Variants in CREB1 observed in about 807,000 individuals in gnomAD.
CREB1 encodes the protein cAMP responsive element binding protein 1, also known as cyclic AMP-responsive element-binding protein 1.
In CREB1, 2 loss-of-function variants were observed where a neutral mutation model predicts 42.0. The ratio of observed to expected loss-of-function variants is 0.05; its 90% CI spans 0.02 to 0.15. The LOEUF is 0.15. Ranked by LOEUF, CREB1 falls within the 10% of genes least tolerant of loss-of-function variation. The pLI, the probability that CREB1 is intolerant of heterozygous loss-of-function variation, is 1.00. For synonymous variants in CREB1, 123 were observed against 139.9 expected (o/e 0.88, Z 0.85); for missense variants, 199 against 388.9 (o/e 0.51, Z 4.11).
rs567753783 is a variant in CREB1, at chr2:207,535,078, T to C, written c.-9+4944T>C. ...GAGCTGCTTTTATTCTTAGGTCTTA[T>C]ATTACCTTTTAAACTAAGGGAAACT... On this transcript the variant is annotated intron_variant, in intron 1 of 7. Coordinates refer to ENST00000353267, the MANE Select transcript of CREB1 (RefSeq NM_004379.5). 1.3e-3 allele frequency among the ~76,000 whole-genome samples: 195 copies of C among 152,380 alleles called. 1 individual carries two copies. The highest frequency in any genetic ancestry group is 4.5e-3 in the African/African-American group (188 of 41,592).
At chr2:207,547,979 G>A (rs1378254117) in intron 1 of CREB1, among the ~76,000 whole-genome samples, 1 of 151,656 alleles carries the variant, frequency 6.6e-6, no homozygotes, top group African/African-American at 2.4e-5. Context: ...GTGTCACCCA[G>A]GAAGGAGTGC....
At chr2:207,538,059 A>G (rs2080946954) in intron 1 of CREB1, among the ~76,000 whole-genome samples, 1 of 152,162 alleles carries the variant, frequency 6.6e-6, no homozygotes, top group Non-Finnish European at 1.5e-5. Flanking sequence ...TTGTGCATGA[A>G]ACAGTTTTGA....
At chr2:207,557,390 T>C (rs2081770823) in intron 2 of CREB1, among the ~76,000 whole-genome samples, 2 of 151,960 alleles carry the variant, frequency 1.3e-5, no homozygotes, top group South Asian at 4.1e-4. Flanking sequence ...GTTATAAAAA[T>C]TGAATGTATG....
At chr2:207,531,904 A>AT (rs1181950278) in intron 1 of CREB1, among the ~76,000 whole-genome samples, 1 of 152,236 alleles carries the variant, frequency 6.6e-6, no homozygotes, top group Admixed American at 6.5e-5. Flanking sequence ...TTCCAAGAAA[A>AT]TTAAGAAGAG....
chr2:207,538,499 G>A (rs1023590292), intron 1 of CREB1, among the ~76,000 whole-genome samples: 1 of 151,818 alleles, frequency 6.6e-6, no homozygotes, highest in African/African-American at 2.4e-5. Context: ...CGTGAGACTA[G>A]CTGTGTGAAC....
intron 3 of CREB1, among the ~76,000 whole-genome samples, chr2:207,565,842 TC>T (rs2082121331): frequency 6.6e-6 from 1 of 152,202 alleles, no homozygotes; most frequent in African/African-American, 2.4e-5. Context: ...GAATTTCTGA[TC>T]CTTTCCTCAG....
At position 207,588,711 on chromosome 2, in the gene CREB1, G is replaced by A. The variant is rs1392315377; in HGVS notation, c.840-8203G>A. 3.1e-5 allele frequency among the ~76,000 whole-genome samples: 4 copies of A among 128,512 alleles called. No individual in the cohort carries two copies. In the East Asian group the frequency reaches 1.0e-3, roughly 32 times the overall value. 84.3% of individuals were successfully genotyped at this position (128,512 alleles called of 152,430 possible). ...CATATCTTACTGGATTTATACCCAA[G>A]TATGAACTGTTTTCTGGTTTTTTTT... is the stretch of plus-strand genomic sequence containing the variant. On this transcript the variant is annotated intron_variant, in intron 7 of 7. Transcript: ENST00000353267.
At chr2:207,584,776 A>G (rs2083528272) in intron 7 of CREB1, among the ~76,000 whole-genome samples, 1 of 152,126 alleles carries the variant, frequency 6.6e-6, no homozygotes, top group African/African-American at 2.4e-5. Flanking sequence ...TCTTTTAGTC[A>G]TTTCTATTGT....
intron 7 of CREB1, 78 bp downstream of exon 7, chr2:207,577,733 T>C (rs771120290): frequency 5.9e-6 from 9 of 1,526,394 alleles, no homozygotes; most frequent in Non-Finnish European, 8.1e-6. Flanking sequence ...TCTTTACATC[T>C]ACTGGTAATA....
chr2:207,576,873 TTG>T, intron 6 of CREB1: 1 of 943,510 alleles, frequency 1.1e-6, no homozygotes, highest in Non-Finnish European at 1.3e-6. Flanking sequence ...GTGATTGTGT[TTG>T]TTTTTACAAA....
chr2:207,594,175 T>A (rs943986038), intron 7 of CREB1, among the ~76,000 whole-genome samples: 2 of 152,248 alleles, frequency 1.3e-5, no homozygotes, highest in Admixed American at 6.5e-5. Flanking sequence ...GAATAATTTT[T>A]AATTATTTTT....
chr2:207,576,644 G>C, intron 6 of CREB1: 1 of 1,292,342 alleles, frequency 7.7e-7, no homozygotes. Context: ...CTCAAAAATT[G>C]TAAAGCAGGA....
At chr2:207,576,241 C>CTTTTTTTTTTTTTTTTTTTTG (rs35735523) in intron 6 of CREB1, among the ~76,000 whole-genome samples, 2 of 101,068 alleles carry the variant, frequency 2.0e-5, no homozygotes, top group Non-Finnish European at 3.8e-5. Context: ...CTTTTTTTGG[C>CTTTTTTTTTTTTTTTTTTTTG]TTTTTTTTTT....
Position 207,600,250 on chromosome 2 carries a change from T to C in CREB1, c.*3192T>C. ...TAATATATGTGTACATATATATATA[T>C]ATATATATATATACATACAGTATAT... is the stretch of plus-strand genomic sequence containing the variant. On this transcript the variant is annotated 3_prime_UTR_variant, in exon 8 of 8. Coordinates refer to ENST00000353267, the MANE Select transcript of CREB1 (RefSeq NM_004379.5). 1 of 163,078 alleles carries C rather than the reference T, an allele frequency of 6.1e-6. No individual in the cohort carries two copies. Among genetic ancestry groups the C allele is most frequent in the Non-Finnish European group, 1.3e-5 (1 of 75,958 alleles). The allele number at this position is 163,078 out of a possible 1,614,324, so 10.1% of individuals were successfully genotyped here.
At chr2:207,582,849 C>A in intron 7 of CREB1, 1 of 335,652 alleles carries the variant, frequency 3.0e-6, no homozygotes. Context: ...GCTGAGATGG[C>A]ACTACTACTC....
At chr2:207,542,760 C>T (rs1477798791) in intron 1 of CREB1, among the ~76,000 whole-genome samples, 5 of 152,032 alleles carry the variant, frequency 3.3e-5, no homozygotes. Flanking sequence ...AAAAATATCT[C>T]TGATCTCTGT....
rs2087968877 is a variant in CREB1 at position 207,605,672 on chromosome 2, A to T, written c.*8614A>T. Among the ~76,000 whole-genome samples, 1 of 152,228 alleles carries T rather than the reference A, an allele frequency of 6.6e-6. No homozygotes were observed. Among genetic ancestry groups the T allele is most frequent in the African/African-American group, 2.4e-5 (1 of 41,442 alleles). On this transcript the variant is annotated 3_prime_UTR_variant, in exon 8 of 8. Transcript: ENST00000353267. The stretch of plus-strand genomic sequence containing the variant: ...TTTTACACAAAAGGTAGGTACAAAC[A>T]GTGGTTTATAAACTGCTGCCATTGT...
intron 1 of CREB1, among the ~76,000 whole-genome samples, chr2:207,532,995 AT>A (rs1356731989): frequency 1.3e-5 from 2 of 152,104 alleles, no homozygotes; most frequent in Non-Finnish European, 2.9e-5. Context: ...GTATTCATTA[AT>A]ACTTGAACAT....
At chr2:207,572,583 T>C (rs957180173) in intron 5 of CREB1, among the ~76,000 whole-genome samples, 4 of 152,194 alleles carry the variant, frequency 2.6e-5, no homozygotes, top group Admixed American at 6.5e-5. Flanking sequence ...TTTCAAACAG[T>C]GCTACATAAA....
Sources: allele counts gnomAD v4.1 joint callset (sites outside exome capture counted in the v4.1 genomes callset), GRCh38; gene constraint gnomAD v4.1.1; transcripts MANE v1.5; gene names NCBI Gene and HGNC (gene_info 2026-07-23, HGNC 2026-07-21).